The following ERBB4 variants were observed in gnomAD, a reference collection of about 807,000 sequenced individuals.
The protein encoded by ERBB4 is erb-b2 receptor tyrosine kinase 4, also known as receptor tyrosine-protein kinase erbB-4.
Under a neutral mutation model 158.0 loss-of-function variants are expected in ERBB4, and 42 were observed. The observed-to-expected ratio is 0.27, with a 90% confidence interval of 0.21 to 0.34. The LOEUF is 0.34. Ranked by LOEUF, ERBB4 falls within the 10% of genes least tolerant of loss-of-function variation. ERBB4 has a pLI of 1.00. For missense variants in ERBB4, 1,333 were observed against 1,624.1 expected (o/e 0.82, Z 3.08); for synonymous variants, 583 against 558.7 (o/e 1.04, Z -0.61).
chr2:212,414,597 TG>T (rs1189437410), intron 1 of ERBB4, among the ~76,000 whole-genome samples: 2 of 152,198 alleles, frequency 1.3e-5, no homozygotes, highest in African/African-American at 4.8e-5. Flanking sequence ...ATTGATAAAT[TG>T]GACCCTTAAC....
intron 3 of ERBB4, among the ~76,000 whole-genome samples, chr2:211,822,688 A>G (rs564350233): frequency 6.6e-6 from 1 of 151,944 alleles, no homozygotes; most frequent in Non-Finnish European, 1.5e-5. Flanking sequence ...ATTTATATAA[A>G]ATATGGCATA....
intron 22 of ERBB4, among the ~76,000 whole-genome samples, chr2:211,424,514 A>G (rs1321905886): frequency 6.6e-6 from 1 of 152,012 alleles, no homozygotes; most frequent in Non-Finnish European, 1.5e-5. Context: ...ATTGTCTTGG[A>G]ATTTCTAATG....
At chr2:212,320,489 T>A (rs2087514640) in intron 1 of ERBB4, among the ~76,000 whole-genome samples, 1 of 130,914 alleles carries the variant, frequency 7.6e-6, no homozygotes, top group Non-Finnish European at 1.7e-5. Context: ...CTAACAGGAC[T>A]AAAGGAAAAT....
intron 19 of ERBB4, among the ~76,000 whole-genome samples, chr2:211,580,394 A>C (rs1335182262): frequency 2.6e-5 from 4 of 152,146 alleles, no homozygotes; most frequent in Non-Finnish European, 5.9e-5. Flanking sequence ...CATATGAAAA[A>C]ATGCTCAACA....
At chr2:212,486,470 A>C (rs1445228739) in intron 1 of ERBB4, among the ~76,000 whole-genome samples, 1 of 152,184 alleles carries the variant, frequency 6.6e-6, no homozygotes, top group Admixed American at 6.5e-5. Context: ...TAATCTGAAT[A>C]ATCAATAAGA....
intron 2 of ERBB4, among the ~76,000 whole-genome samples, chr2:212,107,669 T>C (rs1028263604): frequency 6.6e-6 from 1 of 152,120 alleles, no homozygotes; most frequent in Non-Finnish European, 1.5e-5. Context: ...TTTGGCTGTG[T>C]CCCCACCCAA....
chr2:212,345,574 C>A lies in ERBB4; in HGVS notation c.82+192875G>T, dbSNP rs555694115. On this transcript the variant is annotated intron_variant, in intron 1 of 27. Coordinates refer to ENST00000342788, the MANE Select transcript of ERBB4 (RefSeq NM_005235.3). ...TGCCGTAAATGTCACTTCTCTCGGA[C>A]AATAAGTTTTTATAGTTTTGAAAGT... 3.9e-5 allele frequency among the ~76,000 whole-genome samples: 6 copies of A among 152,058 alleles called. No individual in the cohort carries two copies. The East Asian group carries it at 1.2e-3, about 29-fold the overall frequency.
intron 1 of ERBB4, among the ~76,000 whole-genome samples, chr2:212,192,234 A>C (rs1490118785): frequency 2.6e-5 from 3 of 116,180 alleles, no homozygotes; most frequent in African/African-American, 9.4e-5. Context: ...GCATAATTCT[A>C]ATTTCTAAAT....
In ERBB4 at chr2:211,979,079, A is replaced by G. The variant is rs144635433; in HGVS notation, c.235-31463T>C. Among the ~76,000 whole-genome samples the G allele has an allele frequency of 2.2e-4, 33 of 152,302 alleles. 1 individual carries two copies. The East Asian group carries it at 4.2e-3, about 20-fold the overall frequency. The stretch of plus-strand genomic sequence containing the variant: ...CATGACAGTAGCAACGTAGATGCTC[A>G]TATCACCAACTCCCTCTTCCTTAAC... On this transcript the variant is annotated intron_variant, in intron 2 of 27. Transcript: ENST00000342788.
intron 1 of ERBB4, among the ~76,000 whole-genome samples, chr2:212,235,791 A>G (rs2083847423): frequency 6.6e-6 from 1 of 152,170 alleles, no homozygotes; most frequent in Non-Finnish European, 1.5e-5. Context: ...TTTTATAGGA[A>G]TGCTTGTGAT....
At chr2:211,434,475 T>C (rs532341568) in intron 20 of ERBB4, among the ~76,000 whole-genome samples, 16 of 152,198 alleles carry the variant, frequency 1.1e-4, no homozygotes, top group Non-Finnish European at 2.1e-4. Flanking sequence ...GGTCCTCAAC[T>C]AGACACTAAA....
At chr2:211,617,107 T>C (rs2069420020) in intron 19 of ERBB4, among the ~76,000 whole-genome samples, 1 of 152,002 alleles carries the variant, frequency 6.6e-6, no homozygotes, top group Non-Finnish European at 1.5e-5. Context: ...ATTTTAGAGA[T>C]TTTTTCTTAG....
intron 1 of ERBB4, among the ~76,000 whole-genome samples, chr2:212,369,421 TA>T (rs2090008633): frequency 6.6e-6 from 1 of 152,188 alleles, no homozygotes; most frequent in South Asian, 2.1e-4. Context: ...AGCATTGAAT[TA>T]AAAAAATGTA....
intron 2 of ERBB4, among the ~76,000 whole-genome samples, chr2:212,005,505 G>A (rs1357841158): frequency 6.6e-6 from 1 of 152,140 alleles, no homozygotes; most frequent in African/African-American, 2.4e-5. Context: ...AAGGTTCCTT[G>A]AAGGAACAAG....
At chr2:211,713,451 T>C in intron 8 of ERBB4, 84 bp downstream of exon 8, 1 of 808,822 alleles carries the variant, frequency 1.2e-6, no homozygotes, top group East Asian at 2.6e-5. Flanking sequence ...GGGTTTATAT[T>C]AAAAAGTTGG....
chr2:211,900,642 T>G (rs574932780), intron 3 of ERBB4, among the ~76,000 whole-genome samples: 12 of 152,282 alleles, frequency 7.9e-5, no homozygotes, highest in Middle Eastern at 3.4e-3. Flanking sequence ...TTATGAGAGA[T>G]AATTTTATTT....
At chr2:212,011,470 G>A (rs142863419) in intron 2 of ERBB4, among the ~76,000 whole-genome samples, 1 of 152,050 alleles carries the variant, frequency 6.6e-6, no homozygotes, top group Admixed American at 6.6e-5. Context: ...GAGCATTTCA[G>A]CTAGGTGCAG....
intron 1 of ERBB4, among the ~76,000 whole-genome samples, chr2:212,237,377 G>C (rs2083918386): frequency 2.0e-5 from 3 of 152,180 alleles, no homozygotes; most frequent in Admixed American, 1.3e-4. Flanking sequence ...GTCCACTCCA[G>C]GTCTTGTTTG....
intron 19 of ERBB4, among the ~76,000 whole-genome samples, chr2:211,585,089 A>G (rs2068224399): frequency 6.6e-6 from 1 of 152,116 alleles, no homozygotes; most frequent in Admixed American, 6.6e-5. Flanking sequence ...GCAGTGGCTC[A>G]TGCCTGTAAT....
Sources: gnomAD v4.1 joint callset for allele counts (sites outside exome capture counted in the v4.1 genomes callset) on GRCh38, gnomAD v4.1.1 for gene constraint, MANE v1.5 for transcripts, NCBI Gene and HGNC (gene_info 2026-07-23, HGNC 2026-07-21) for gene names.